Variants in ANKS1A observed in about 807,000 individuals in gnomAD.
ANKS1A encodes the protein ankyrin repeat and SAM domain-containing protein 1A.
A neutral mutation model predicts 120.3 loss-of-function variants in ANKS1A; 55 were observed. The ratio of observed to expected loss-of-function variants is 0.46; its 90% CI spans 0.37 to 0.57. The LOEUF (loss-of-function observed/expected upper bound fraction) is 0.57, where lower values mean the gene tolerates loss of function less well. ANKS1A is among the 20% of genes least tolerant of loss of function. ANKS1A has a pLI of 0.00. For synonymous variants in ANKS1A, 590 were observed against 604.7 expected, an observed-to-expected ratio of 0.98 and a Z score of 0.36; for missense variants, 1,123 against 1,480.3, an observed-to-expected ratio of 0.76 and a Z score of 3.96.
intron 1 of ANKS1A, among the ~76,000 whole-genome samples, chr6:34,923,140 CAAG>C (rs1391477470): frequency 6.6e-6 from 1 of 152,192 alleles, no homozygotes; most frequent in Non-Finnish European, 1.5e-5. Flanking sequence ...CTTCAGAGAT[CAAG>C]GAGAACCAAA....
chr6:35,011,719 G>C (rs376156658), intron 10 of ANKS1A, among the ~76,000 whole-genome samples: 6 of 152,296 alleles, frequency 3.9e-5, no homozygotes, highest in South Asian at 4.1e-4. Flanking sequence ...GAATAAATCA[G>C]TCTCCTTTGC....
intron 10 of ANKS1A, 122 bp from the exon 11 acceptor site, chr6:35,017,351 C>G (rs1253609040): frequency 8.0e-6 from 8 of 1,001,006 alleles, no homozygotes; most frequent in Non-Finnish European, 1.2e-5. Context: ...CCCAGCCTAT[C>G]CAGTTTCTCT....
intron 1 of ANKS1A, among the ~76,000 whole-genome samples, chr6:34,935,257 T>C (rs1019347959): frequency 3.3e-5 from 5 of 152,306 alleles, no homozygotes; most frequent in African/African-American, 1.2e-4. Flanking sequence ...TAGCTAACTT[T>C]TGAAATTTTT....
intron 10 of ANKS1A, among the ~76,000 whole-genome samples, chr6:35,009,114 C>T (rs187776164): frequency 2.0e-5 from 3 of 152,222 alleles, no homozygotes; most frequent in Admixed American, 6.5e-5. Flanking sequence ...AGGACAGGAG[C>T]CACGCTTCAC....
chr6:34,955,444 G>A (rs1461614687), intron 1 of ANKS1A, among the ~76,000 whole-genome samples: 1 of 152,080 alleles, frequency 6.6e-6, no homozygotes, highest in Non-Finnish European at 1.5e-5. Flanking sequence ...GCCATTTTCT[G>A]AGTTTTCTAT....
rs1766712136 is a variant in ANKS1A at position 34,889,840 on chromosome 6, A to C, written c.197+241A>C. ...GCTGCGAAGAATGGTGGGAGTGCCC[A>C]GGTGGCAGCCTCCGCCGCATGGCAC... On this transcript the variant is annotated intron_variant, in intron 1 of 23. Coordinates refer to ENST00000360359, the MANE Select transcript of ANKS1A (RefSeq NM_015245.3). This position sits in a 1 kb window ranked among gnomAD's most constrained non-coding sequence, Gnocchi z 5.5. Among the ~76,000 whole-genome samples, 1 of 152,086 alleles carries C rather than the reference A, an allele frequency of 6.6e-6. No homozygotes were observed. The highest frequency in any genetic ancestry group is 2.4e-5 in the African/African-American group (1 of 41,392).
chr6:35,039,770 C>T, intron 11 of ANKS1A: 1 of 376,370 alleles, frequency 2.7e-6, no homozygotes, highest in Non-Finnish European at 5.4e-6. Flanking sequence ...GTGCTCAGCC[C>T]TCGAGAGGCC....
chr6:34,980,750 A>G (rs1445731598), intron 3 of ANKS1A, among the ~76,000 whole-genome samples: 4 of 152,200 alleles, frequency 2.6e-5, no homozygotes. Context: ...TTTCTGCTCT[A>G]ATTAGACATT....
intron 1 of ANKS1A, among the ~76,000 whole-genome samples, chr6:34,913,652 T>G (rs546580387): frequency 1.3e-5 from 2 of 150,736 alleles, no homozygotes; most frequent in South Asian, 2.1e-4. Flanking sequence ...TGTTGTTGTT[T>G]TTGAGACAGA....
intron 13 of ANKS1A, among the ~76,000 whole-genome samples, chr6:35,062,856 G>C (rs1472672550): frequency 6.6e-6 from 1 of 152,190 alleles, no homozygotes; most frequent in Admixed American, 6.5e-5. Flanking sequence ...CATTGTACTG[G>C]CTGATGTAGA....
chr6:34,891,919 G>T (rs568804431), intron 1 of ANKS1A, among the ~76,000 whole-genome samples: 1 of 152,314 alleles, frequency 6.6e-6, no homozygotes, highest in East Asian at 1.9e-4. Flanking sequence ...GAGCCACCTT[G>T]CCCGGCCTCA....
At position 35,057,664 on chromosome 6, in the gene ANKS1A, G is replaced by C. The variant is rs1241637595; in HGVS notation, c.2078-2483G>C. 1.3e-5 allele frequency among the ~76,000 whole-genome samples: 2 copies of C among 152,178 alleles called. No homozygotes were observed. The highest frequency in any genetic ancestry group is 4.8e-5 in the African/African-American group (2 of 41,430). On this transcript the variant is annotated intron_variant, in intron 12 of 23. Coordinates refer to ENST00000360359, the MANE Select transcript of ANKS1A (RefSeq NM_015245.3). This position sits in a 1 kb window ranked among gnomAD's most constrained non-coding sequence, Gnocchi z 4.1. The stretch of plus-strand genomic sequence containing the variant: ...GCTGTCCTCCCCCAGAGTGTGAGTG[G>C]CCTGCTCTGGGGTGGGGCACTTCCC...
chr6:35,062,746 C>T (rs1381736073), intron 13 of ANKS1A, among the ~76,000 whole-genome samples: 2 of 152,216 alleles, frequency 1.3e-5, no homozygotes, highest in Admixed American at 6.5e-5. Flanking sequence ...GGTCTGATCG[C>T]CCTCTCTGCC....
intron 1 of ANKS1A, among the ~76,000 whole-genome samples, chr6:34,896,642 A>C (rs776094855): frequency 2.6e-4 from 39 of 152,238 alleles, no homozygotes; most frequent in Non-Finnish European, 4.8e-4. Context: ...CAGCCTGGGC[A>C]ACATGGCAAG....
chr6:34,953,796 T>C (rs968843173), intron 1 of ANKS1A, among the ~76,000 whole-genome samples: 10 of 152,188 alleles, frequency 6.6e-5, no homozygotes, highest in African/African-American at 2.4e-4. Flanking sequence ...CCTGTTGTCA[T>C]GGAGCATGCA....
At chr6:35,021,452 A>G (rs1268555994) in intron 11 of ANKS1A, among the ~76,000 whole-genome samples, 1 of 152,106 alleles carries the variant, frequency 6.6e-6, no homozygotes, top group Non-Finnish European at 1.5e-5. Context: ...CAGCTCCTCC[A>G]TCTCCACCTC....
rs768491029 is a variant in ANKS1A at position 34,985,167 on chromosome 6, T to C, written c.1098T>C (p.Asn366=). ...EEEGPYEALY[N]AISCHSLDSM... is the part of the protein sequence containing the mutation. Reference sequence around the variant, plus strand: ...AGGGTCCCTACGAAGCTCTGTATAATGCCATCTCCTGCCATTCGTTGGACA... The same window carrying C: ...AGGGTCCCTACGAAGCTCTGTATAACGCCATCTCCTGCCATTCGTTGGACA... Residue 366 remains asparagine (N), a synonymous_variant, in exon 8 of 24, where the codon AAT becomes AAC. Coordinates refer to ENST00000360359, the MANE Select transcript of ANKS1A (RefSeq NM_015245.3). The C allele has an allele frequency of 1.2e-6, 2 of 1,614,208 alleles. No individual in the cohort carries two copies. The highest frequency in any genetic ancestry group is 1.7e-6 in the Non-Finnish European group (2 of 1,180,034).
At chr6:35,008,864 C>A (rs1006635153) in intron 10 of ANKS1A, among the ~76,000 whole-genome samples, 1 of 152,002 alleles carries the variant, frequency 6.6e-6, no homozygotes, top group Admixed American at 6.6e-5. Context: ...GAGCTGAACC[C>A]CTAGATAGAG....
chr6:35,070,024 C>A (rs200383175), intron 13 of ANKS1A, among the ~76,000 whole-genome samples: 818 of 95,302 alleles, frequency 8.6e-3, no homozygotes, highest in African/African-American at 0.01. Context: ...AAGACTCTGT[C>A]AAAAAAAAAA....
Sources: gnomAD v4.1 joint callset for allele counts (sites outside exome capture counted in the v4.1 genomes callset) on GRCh38, gnomAD v4.1.1 for gene constraint, Gnocchi (gnomAD v3.1) non-coding constraint, MANE v1.5 for transcripts, NCBI Gene and HGNC (gene_info 2026-07-23, HGNC 2026-07-21) for gene names.